The following KCNH1 variants were observed in gnomAD, a reference collection of about 807,000 sequenced individuals.
KCNH1 encodes the protein voltage-gated delayed rectifier potassium channel KCNH1.
A neutral mutation model predicts 69.2 loss-of-function variants in KCNH1; 27 were observed. The observed-to-expected ratio is 0.39, with a 90% CI of 0.29 to 0.54. The LOEUF (loss-of-function observed/expected upper bound fraction) is 0.54. Ranked by LOEUF, KCNH1 falls within the 20% of genes least tolerant of loss-of-function variation. The pLI, the probability that KCNH1 is intolerant of heterozygous loss-of-function variation, is 0.68. For synonymous variants in KCNH1, 456 were observed against 487.7 expected (o/e 0.93, Z 0.86); for missense variants, 798 against 1,261.6 (o/e 0.63, Z 5.57).
chr1:210,680,083 G>A lies in KCNH1; in HGVS notation c.*3198C>T, dbSNP rs17188444. On this transcript the variant is annotated 3_prime_UTR_variant, in exon 11 of 11. Transcript: ENST00000271751. ...GTGGAGGAGCCCTTTGTAAGTATAT[G>A]GGATGGCAGCGCCCATTGCTGGAGT... 7,365 of 152,088 alleles carry A rather than the reference G, an allele frequency of 0.048. 265 individuals carry two copies. The highest frequency in any genetic ancestry group is 0.078 in the Middle Eastern group (23 of 294). 9.4% of individuals were successfully genotyped at this position (152,088 alleles called of 1,614,324 possible).
At chr1:211,121,110 T>C (rs1691675311) in intron 1 of KCNH1, among the ~76,000 whole-genome samples, 1 of 152,186 alleles carries the variant, frequency 6.6e-6, no homozygotes, top group Non-Finnish European at 1.5e-5. Context: ...CTGCCCAAAG[T>C]AATTTATAGA....
chr1:210,727,548 TTAAC>T (rs1423312838), intron 10 of KCNH1, among the ~76,000 whole-genome samples: 6 of 152,206 alleles, frequency 3.9e-5, no homozygotes, highest in African/African-American at 1.2e-4. Context: ...TAGGGTGTGT[TTAAC>T]TATAGGCATA....
chr1:210,778,453 T>A (rs1433438003), intron 9 of KCNH1, among the ~76,000 whole-genome samples: 2 of 146,906 alleles, frequency 1.4e-5, no homozygotes, highest in Admixed American at 7.0e-5. Flanking sequence ...AACCCAGGAA[T>A]CCAGGAGTTT....
intron 10 of KCNH1, among the ~76,000 whole-genome samples, chr1:210,715,493 C>G (rs1682204714): frequency 6.6e-6 from 1 of 150,400 alleles, no homozygotes; most frequent in Admixed American, 6.7e-5. Context: ...ATAGCAAGAC[C>G]CTGTTTCTAT....
At chr1:211,017,921 G>C (rs1689520769) in intron 6 of KCNH1, among the ~76,000 whole-genome samples, 1 of 152,132 alleles carries the variant, frequency 6.6e-6, no homozygotes, top group Non-Finnish European at 1.5e-5. Context: ...TTTGGGTCAT[G>C]GGGGGTGGAT....
chr1:210,870,319 C>T (rs1686211664), intron 7 of KCNH1, among the ~76,000 whole-genome samples: 1 of 152,152 alleles, frequency 6.6e-6, no homozygotes, highest in Admixed American at 6.6e-5. Flanking sequence ...CACCCCCACA[C>T]CTCCACCACT....
intron 6 of KCNH1, among the ~76,000 whole-genome samples, chr1:210,972,921 C>T (rs867595068): frequency 9.5e-6 from 1 of 104,718 alleles, no homozygotes; most frequent in Non-Finnish European, 2.0e-5. Context: ...CACTACCAAA[C>T]GTCTCAAAAA....
At chr1:210,690,158 C>T (rs549765250) in intron 10 of KCNH1, among the ~76,000 whole-genome samples, 3 of 152,318 alleles carry the variant, frequency 2.0e-5, no homozygotes, top group South Asian at 4.1e-4. Context: ...AGAGGAAACG[C>T]GCAGGCCCTG....
chr1:210,761,750 T>G (rs913722147), intron 10 of KCNH1, among the ~76,000 whole-genome samples: 8 of 152,234 alleles, frequency 5.3e-5, no homozygotes, highest in African/African-American at 9.6e-5. Flanking sequence ...TATAAGACTA[T>G]TATTTCTAGA....
intron 5 of KCNH1, among the ~76,000 whole-genome samples, chr1:211,056,691 CAGAAAG>C (rs1446378130): frequency 2.0e-5 from 3 of 152,100 alleles, no homozygotes; most frequent in Non-Finnish European, 4.4e-5. Flanking sequence ...TAGCTCGGCA[CAGAAAG>C]AGACACTCCA....
At chr1:210,745,421 C>T (rs1437620884) in intron 10 of KCNH1, among the ~76,000 whole-genome samples, 4 of 152,154 alleles carry the variant, frequency 2.6e-5, no homozygotes, top group Admixed American at 2.6e-4. Flanking sequence ...GGTATTTTCG[C>T]ATCCAAAACT....
At chr1:211,098,609 T>C (rs1014779460) in intron 3 of KCNH1, among the ~76,000 whole-genome samples, 36 of 151,968 alleles carry the variant, frequency 2.4e-4, no homozygotes, top group African/African-American at 8.0e-4. Flanking sequence ...TTACAAACCC[T>C]ACAGAATGAG....
At chr1:210,830,458 G>A (rs1685134978) in intron 7 of KCNH1, among the ~76,000 whole-genome samples, 1 of 152,120 alleles carries the variant, frequency 6.6e-6, no homozygotes, top group South Asian at 2.1e-4. Context: ...CACAGGGTGG[G>A]GGTTGGAAGA....
At chr1:210,822,309 T>C (rs1003040416) in intron 7 of KCNH1, among the ~76,000 whole-genome samples, 3 of 151,804 alleles carry the variant, frequency 2.0e-5, no homozygotes, top group Non-Finnish European at 4.4e-5. Context: ...GGGATATGGA[T>C]GGAGAGTAGT....
chr1:210,998,467 C>A (rs1202168052), intron 6 of KCNH1, among the ~76,000 whole-genome samples: 7 of 152,160 alleles, frequency 4.6e-5, no homozygotes, highest in South Asian at 4.1e-4. Context: ...GCTAACTATC[C>A]TAAATATATA....
chr1:210,883,900 A>C (rs1483217146), intron 7 of KCNH1, among the ~76,000 whole-genome samples: 1 of 152,234 alleles, frequency 6.6e-6, no homozygotes, highest in African/African-American at 2.4e-5. Context: ...CAAATGATTA[A>C]ACTTGGATGG....
intron 9 of KCNH1, among the ~76,000 whole-genome samples, chr1:210,788,350 G>A (rs1211142990): frequency 6.6e-6 from 1 of 152,034 alleles, no homozygotes; most frequent in Non-Finnish European, 1.5e-5. Context: ...CCCACTTAAA[G>A]TTATATTTGA....
chr1:210,851,647 T>C (rs1685707704), intron 7 of KCNH1, among the ~76,000 whole-genome samples: 2 of 152,252 alleles, frequency 1.3e-5, no homozygotes, highest in African/African-American at 2.4e-5. Flanking sequence ...TATACTCATA[T>C]GAACCTAGAT....
chr1:210,906,855 T>G (rs1687112646), intron 7 of KCNH1, among the ~76,000 whole-genome samples: 2 of 152,204 alleles, frequency 1.3e-5, no homozygotes, highest in African/African-American at 4.8e-5. Flanking sequence ...ACTCTCACAC[T>G]GATGCCATGC....
Sources: allele counts gnomAD v4.1 joint callset (sites outside exome capture counted in the v4.1 genomes callset), GRCh38; gene constraint gnomAD v4.1.1; transcripts MANE v1.5; gene names NCBI Gene and HGNC (gene_info 2026-07-23, HGNC 2026-07-21).